DNER: variants seen among roughly 807,000 people sequenced by gnomAD.
DNER encodes the protein delta/notch like EGF repeat containing.
DNER carries 33 observed loss-of-function variants against 78.2 expected under a neutral mutation model. That is an observed-to-expected ratio of 0.42 (90% CI 0.32 to 0.56). The LOEUF is 0.56. Among genes scored for constraint, DNER ranks in the 20% least tolerant of loss-of-function variants. DNER has a pLI of 0.11. For missense variants in DNER, 918 were observed against 975.3 expected (o/e 0.94, Z 0.78); for synonymous variants, 417 against 384.8 (o/e 1.08, Z -0.98).
chr2:229,447,916 C>T (rs1275789782), intron 7 of DNER, among the ~76,000 whole-genome samples: 1 of 152,156 alleles, frequency 6.6e-6, no homozygotes, highest in East Asian at 1.9e-4. Context: ...GCAGAGGGCT[C>T]TCCCCTCTTA....
intron 5 of DNER, among the ~76,000 whole-genome samples, chr2:229,539,024 C>G (rs10176624): frequency 6.6e-6 from 1 of 152,172 alleles, no homozygotes; most frequent in Non-Finnish European, 1.5e-5. Flanking sequence ...TCACCACACA[C>G]TGAACAGAAC....
At chr2:229,701,255 T>C (rs1699742434) in intron 1 of DNER, among the ~76,000 whole-genome samples, 1 of 152,256 alleles carries the variant, frequency 6.6e-6, no homozygotes, top group South Asian at 2.1e-4. Flanking sequence ...ATATTTTAAA[T>C]GCAAGTTAGC....
chr2:229,464,627 T>C (rs17483944), intron 7 of DNER, among the ~76,000 whole-genome samples: 7,851 of 152,266 alleles, frequency 0.052, 282 homozygotes, highest in Non-Finnish European at 0.075. Flanking sequence ...GGAGCAGCCA[T>C]GCATCAGGCA....
At chr2:229,582,060 T>C (rs939653744) in intron 4 of DNER, among the ~76,000 whole-genome samples, 2 of 152,218 alleles carry the variant, frequency 1.3e-5, no homozygotes, top group African/African-American at 4.8e-5. Context: ...GAAACTTTAC[T>C]CTTCCTTTAC....
intron 5 of DNER, among the ~76,000 whole-genome samples, chr2:229,537,928 T>C (rs1696441223): frequency 6.6e-6 from 1 of 152,194 alleles, no homozygotes; most frequent in African/African-American, 2.4e-5. Context: ...GCATTTTCTG[T>C]GCAGGCGATG....
chr2:229,652,217 G>A (rs1429763265), intron 1 of DNER, among the ~76,000 whole-genome samples: 1 of 152,192 alleles, frequency 6.6e-6, no homozygotes, highest in African/African-American at 2.4e-5. Context: ...GAGAAGCTGA[G>A]TTCAGATTCA....
chr2:229,700,100 AT>A (rs1699719648), intron 1 of DNER, among the ~76,000 whole-genome samples: 1 of 152,080 alleles, frequency 6.6e-6, no homozygotes, highest in Non-Finnish European at 1.5e-5. Context: ...CTCATTCATA[AT>A]TTTTTAAATG....
At chr2:229,586,789 ACAG>A (rs1697511736) in intron 3 of DNER, 1 of 985,574 alleles carries the variant, frequency 1.0e-6, no homozygotes, top group Non-Finnish European at 1.2e-6. Flanking sequence ...CAACATCCCA[ACAG>A]CTGCCCATTC....
intron 1 of DNER, among the ~76,000 whole-genome samples, chr2:229,609,363 C>T (rs1178265782): frequency 1.3e-5 from 2 of 152,096 alleles, no homozygotes; most frequent in Non-Finnish European, 2.9e-5. Context: ...GCCTATGAGG[C>T]AAGAATGATT....
intron 8 of DNER, among the ~76,000 whole-genome samples, chr2:229,419,676 G>C (rs1693724047): frequency 6.6e-6 from 1 of 151,968 alleles, no homozygotes; most frequent in Admixed American, 6.6e-5. Flanking sequence ...TGGCCCCTTT[G>C]AGGAGCCCTT....
intron 5 of DNER, among the ~76,000 whole-genome samples, chr2:229,545,362 G>T (rs1696604035): frequency 6.6e-6 from 1 of 152,028 alleles, no homozygotes; most frequent in African/African-American, 2.4e-5. Flanking sequence ...ATCACTTGAG[G>T]TCAGGAGTTT....
At chr2:229,570,872 C>T (rs970806545) in intron 4 of DNER, among the ~76,000 whole-genome samples, 2 of 151,782 alleles carry the variant, frequency 1.3e-5, no homozygotes, top group Non-Finnish European at 2.9e-5. Context: ...GGTAGGAGCA[C>T]GGGGGAGAAG....
chr2:229,589,435 G>C (rs1471130521), intron 2 of DNER, among the ~76,000 whole-genome samples: 1 of 152,106 alleles, frequency 6.6e-6, no homozygotes, highest in Non-Finnish European at 1.5e-5. Context: ...TGCTACCCAA[G>C]CCTCTAAGTC....
chr2:229,701,102 G>C (rs189380439), intron 1 of DNER, among the ~76,000 whole-genome samples: 1 of 152,348 alleles, frequency 6.6e-6, no homozygotes, highest in Admixed American at 6.5e-5. Context: ...GCAGAGGGAT[G>C]ATATTGGCAG....
chr2:229,650,651 T>G (rs1698800119), intron 1 of DNER, among the ~76,000 whole-genome samples: 1 of 152,136 alleles, frequency 6.6e-6, no homozygotes, highest in East Asian at 1.9e-4. Flanking sequence ...CACACGGTTT[T>G]CTTTCAGGGT....
chr2:229,492,853 T>C (rs908352142), intron 6 of DNER, among the ~76,000 whole-genome samples: 3 of 152,098 alleles, frequency 2.0e-5, no homozygotes, highest in African/African-American at 7.2e-5. Flanking sequence ...TTATTTTTCA[T>C]AGAGACAGGA....
At chr2:229,477,312 A>C in intron 6 of DNER, 59 bp from the exon 7 acceptor site, 2 of 1,315,400 alleles carry the variant, frequency 1.5e-6, no homozygotes, top group East Asian at 4.8e-5. Context: ...ACCATGAGCC[A>C]CTCTAGGAAT....
chr2:229,403,977 A>G (rs1693326731), intron 10 of DNER, among the ~76,000 whole-genome samples: 1 of 152,126 alleles, frequency 6.6e-6, no homozygotes, highest in African/African-American at 2.4e-5. Flanking sequence ...GTTTTAGGTA[A>G]AGAGTGATAA....
At chr2:229,487,405 T>C (rs1424290810) in intron 6 of DNER, among the ~76,000 whole-genome samples, 2 of 152,080 alleles carry the variant, frequency 1.3e-5, no homozygotes, top group African/African-American at 2.4e-5. Flanking sequence ...GCAATATTGA[T>C]ACAGTCCATC....
Sources: allele counts gnomAD v4.1 joint callset (sites outside exome capture counted in the v4.1 genomes callset), GRCh38; gene constraint gnomAD v4.1.1; transcripts MANE v1.5; gene names NCBI Gene and HGNC (gene_info 2026-07-23, HGNC 2026-07-21).